The following HDAC9 variants were observed in gnomAD, a reference collection of about 807,000 sequenced individuals.
HDAC9 encodes the protein MEF-2 interacting transcription repressor (MITR) protein.
HDAC9 carries 41 observed loss-of-function variants against 139.4 expected under a neutral mutation model. That is an observed-to-expected ratio of 0.29 (90% CI 0.23 to 0.38). HDAC9 has a LOEUF of 0.38. Ranked by LOEUF, HDAC9 falls within the 10% of genes least tolerant of loss-of-function variation. The probability of loss-of-function intolerance (pLI) is 1.00; values close to 1 mark genes in which losing one functional copy is unlikely to be tolerated. For synonymous variants in HDAC9, 517 were observed against 476.2 expected (o/e 1.09, Z -1.12); for missense variants, 1,147 against 1,297.0 (o/e 0.88, Z 1.78).
At chr7:18,416,790 C>T (rs1789109595) in intron 1 of HDAC9, among the ~76,000 whole-genome samples, 1 of 151,920 alleles carries the variant, frequency 6.6e-6, no homozygotes, top group Non-Finnish European at 1.5e-5. Flanking sequence ...ATAAGTGGAC[C>T]CACTGTCTCC....
intron 1 of HDAC9, among the ~76,000 whole-genome samples, chr7:18,480,985 A>G (rs956529004): frequency 3.9e-5 from 6 of 152,126 alleles, no homozygotes; most frequent in African/African-American, 1.4e-4. Flanking sequence ...ATTTCCTCCA[A>G]GCCCACCTAG....
chr7:18,261,307 C>G (rs1172048203), intron 2 of HDAC9, among the ~76,000 whole-genome samples: 1 of 151,768 alleles, frequency 6.6e-6, no homozygotes, highest in Non-Finnish European at 1.5e-5. Flanking sequence ...GACCCTGTCT[C>G]CAAAATAAAA....
intron 11 of HDAC9, among the ~76,000 whole-genome samples, chr7:18,658,707 G>A (rs1792079794): frequency 6.6e-6 from 1 of 152,052 alleles, no homozygotes; most frequent in Non-Finnish European, 1.5e-5. Context: ...TCTACTCCAA[G>A]TAGACCTCTC....
intron 12 of HDAC9, among the ~76,000 whole-genome samples, chr7:18,712,326 C>G (rs1344602097): frequency 1.3e-5 from 2 of 152,108 alleles, no homozygotes; most frequent in African/African-American, 4.8e-5. Context: ...GCTTCAAACT[C>G]CATGTTCTAG....
In HDAC9 at chr7:18,441,163, G is replaced by A. The variant is rs149904967; in HGVS notation, c.-41-55099G>A. On this transcript the variant is annotated intron_variant, in intron 1 of 3. Coordinates refer to the HDAC9 transcript ENST00000413509. ...AAGTTCTTTCTTAGGTCTAACATTT[G>A]TATATCAAAGAACATGTCATTCTGT... is the stretch of plus-strand genomic sequence containing the variant. Among the ~76,000 whole-genome samples, 524 of 152,204 alleles carry A rather than the reference G, an allele frequency of 3.4e-3. 2 individuals are homozygous for A. Among genetic ancestry groups the A allele is most frequent in the Non-Finnish European group, 5.2e-3 (353 of 68,006 alleles).
intron 1 of HDAC9, among the ~76,000 whole-genome samples, chr7:18,143,610 A>G (rs903582548): frequency 6.6e-6 from 1 of 151,922 alleles, no homozygotes. Context: ...ACATGGTGAA[A>G]CCTCGTATCT....
chr7:18,905,554 C>T (rs1015479273), intron 22 of HDAC9, among the ~76,000 whole-genome samples: 3 of 152,106 alleles, frequency 2.0e-5, no homozygotes, highest in African/African-American at 7.2e-5. Context: ...TGCCACAGCT[C>T]AACAGTGCCA....
At chr7:18,139,214 C>T (rs1175995995) in intron 1 of HDAC9, among the ~76,000 whole-genome samples, 1 of 150,500 alleles carries the variant, frequency 6.6e-6, no homozygotes, top group Non-Finnish European at 1.5e-5. Flanking sequence ...CAGCCTTGAC[C>T]TCCTGGGCTC....
Position 18,303,131 on chromosome 7 carries a change from T to C in HDAC9, c.-42+12616T>C, listed in dbSNP as rs372693984. Among the ~76,000 whole-genome samples the C allele has an allele frequency of 1.4e-4, 21 of 152,302 alleles. 1 individual carries two copies. The South Asian group carries it at 2.1e-3, about 15-fold the overall frequency. The stretch of plus-strand genomic sequence containing the variant: ...CCAGTTAATATAAAGATTAAGTGTA[T>C]AGTAAATTCACCCCACCTGTATTAT... On this transcript the variant is annotated intron_variant, in intron 1 of 3. Transcript: ENST00000413509.
chr7:18,895,803 C>T (rs530623349), intron 22 of HDAC9, among the ~76,000 whole-genome samples: 1 of 152,154 alleles, frequency 6.6e-6, no homozygotes, highest in South Asian at 2.1e-4. Context: ...CTTTAAGCTT[C>T]TTGTTATACT....
chr7:18,203,078 A>G lies in HDAC9; in HGVS notation c.25+40729A>G, dbSNP rs975787020. ...CCCACGTGCCTAATTGGGTGAATAGATCAGGGTTCCTCTGTGTTTTCAAGT... is the reference window on the plus strand; with the variant it reads ...CCCACGTGCCTAATTGGGTGAATAGGTCAGGGTTCCTCTGTGTTTTCAAGT... On this transcript the variant is annotated intron_variant, in intron 2 of 12. Transcript: ENST00000417496. Among the ~76,000 whole-genome samples, 9 of 152,326 alleles carry G rather than the reference A, an allele frequency of 5.9e-5. No homozygotes were observed. The East Asian group carries it at 7.7e-4, about 13-fold the overall frequency.
chr7:18,337,459 C>A (rs1042457488), intron 1 of HDAC9, among the ~76,000 whole-genome samples: 1 of 151,646 alleles, frequency 6.6e-6, no homozygotes, highest in Non-Finnish European at 1.5e-5. Context: ...TTGAAAACAT[C>A]CCTCAGTAAG....
At chr7:18,995,910 AAC>A in intron 25 of HDAC9, 111 bp from the exon 26 acceptor site, 1 of 710,552 alleles carries the variant, frequency 1.4e-6, no homozygotes, top group Non-Finnish European at 2.3e-6. Flanking sequence ...ATAACTGAAT[AAC>A]ACAAATAAAC....
intron 18 of HDAC9, 82 bp downstream of exon 18, chr7:18,829,298 T>C (rs955362023): frequency 8.0e-7 from 1 of 1,253,804 alleles, no homozygotes; most frequent in Non-Finnish European, 1.2e-6. Flanking sequence ...CTGAAGCCTC[T>C]AATTGTTAGC....
At chr7:18,325,717 G>T (rs148255225) in intron 1 of HDAC9, 11 of 152,160 alleles carry the variant, frequency 7.2e-5, no homozygotes, top group African/African-American at 2.2e-4. Flanking sequence ...TCTGTCACTG[G>T]CTGTAAATAA....
At chr7:18,919,625 G>GA (rs1803510070) in intron 22 of HDAC9, among the ~76,000 whole-genome samples, 1 of 151,996 alleles carries the variant, frequency 6.6e-6, no homozygotes, top group African/African-American at 2.4e-5. Context: ...AAGAGCACTT[G>GA]AAAGGGAGGT....
chr7:18,739,079 T>C (rs936390768), intron 13 of HDAC9, among the ~76,000 whole-genome samples: 3 of 152,224 alleles, frequency 2.0e-5, no homozygotes, highest in African/African-American at 7.2e-5. Context: ...GCATGTGTCA[T>C]GAAATTCTTG....
At chr7:18,366,737 C>T (rs978619643) in intron 1 of HDAC9, among the ~76,000 whole-genome samples, 1 of 152,096 alleles carries the variant, frequency 6.6e-6, no homozygotes, top group Admixed American at 6.6e-5. Flanking sequence ...AGAGTTATAA[C>T]TTGGTTTCTA....
intron 1 of HDAC9, among the ~76,000 whole-genome samples, chr7:18,380,598 C>T (rs1190703759): frequency 6.6e-6 from 1 of 152,206 alleles, no homozygotes; most frequent in Non-Finnish European, 1.5e-5. Flanking sequence ...TTGCCCTTGA[C>T]TCTCCTGGCA....
Sources: gnomAD v4.1 joint callset for allele counts (sites outside exome capture counted in the v4.1 genomes callset) on GRCh38, gnomAD v4.1.1 for gene constraint, MANE v1.5 for transcripts, NCBI Gene and HGNC (gene_info 2026-07-23, HGNC 2026-07-21) for gene names.